The following BABAM2 variants were observed in gnomAD, a reference collection of about 807,000 sequenced individuals.
BABAM2 encodes the protein BRISC and BRCA1 A complex member 2, also known as BRISC and BRCA1-A complex member 2.
In BABAM2, 31 loss-of-function variants were observed where a neutral mutation model predicts 54.7. The observed-to-expected ratio is 0.57, with a 90% CI of 0.43 to 0.77. The LOEUF (loss-of-function observed/expected upper bound fraction) is 0.77, where lower values mean the gene tolerates loss of function less well. Among genes scored for constraint, BABAM2 ranks in the 30% least tolerant of loss-of-function variants. BABAM2 has a pLI of 0.00. For synonymous variants in BABAM2, 167 were observed against 162.9 expected (o/e 1.03, Z -0.19); for missense variants, 364 against 455.8 (o/e 0.80, Z 1.83).
At chr2:28,112,626 G>A (rs1205176629) in intron 6 of BABAM2, among the ~76,000 whole-genome samples, 2 of 152,044 alleles carry the variant, frequency 1.3e-5, no homozygotes, top group Non-Finnish European at 2.9e-5. Flanking sequence ...ATTTGGGTTG[G>A]CTCCAAGTCT....
At chr2:28,237,156 T>G in intron 7 of BABAM2, 46 bp from the exon 8 acceptor site, 2 of 1,534,470 alleles carry the variant, frequency 1.3e-6, no homozygotes, top group South Asian at 2.3e-5. Flanking sequence ...CTTCTTAAGT[T>G]GCTTGAGCCC....
chr2:28,080,618 G>C (rs1245011901), intron 6 of BABAM2, among the ~76,000 whole-genome samples: 1 of 152,166 alleles, frequency 6.6e-6, no homozygotes, highest in Non-Finnish European at 1.5e-5. Flanking sequence ...TGTTAGAAGA[G>C]ACCAATCTGT....
chr2:27,999,252 G>A (rs1299551315), intron 4 of BABAM2, among the ~76,000 whole-genome samples: 1 of 151,942 alleles, frequency 6.6e-6, no homozygotes, highest in Non-Finnish European at 1.5e-5. Flanking sequence ...TGATAAAGTA[G>A]AAAGTAGTGC....
intron 7 of BABAM2, among the ~76,000 whole-genome samples, chr2:28,146,028 G>T (rs527713602): frequency 2.0e-5 from 3 of 152,186 alleles, no homozygotes; most frequent in Non-Finnish European, 4.4e-5. Flanking sequence ...TGTGAATAAT[G>T]TTGCTGTGAA....
At chr2:27,954,490 C>A (rs184365235) in intron 3 of BABAM2, among the ~76,000 whole-genome samples, 78 of 152,246 alleles carry the variant, frequency 5.1e-4, no homozygotes, top group Non-Finnish European at 1.3e-4. Flanking sequence ...TAAAAGATTC[C>A]ATTTTGGCAT....
At chr2:28,230,340 C>T (rs1681260688) in intron 7 of BABAM2, among the ~76,000 whole-genome samples, 1 of 152,054 alleles carries the variant, frequency 6.6e-6, no homozygotes, top group Admixed American at 6.6e-5. Context: ...CTTGAGATGG[C>T]TCAAAGTTGA....
intron 6 of BABAM2, among the ~76,000 whole-genome samples, chr2:28,112,359 C>T (rs1235381466): frequency 6.6e-6 from 1 of 151,392 alleles, no homozygotes; most frequent in Non-Finnish European, 1.5e-5. Context: ...CCTCCCCTAG[C>T]CCCCTACCCC....
chr2:28,198,451 C>A (rs770883524), intron 7 of BABAM2, among the ~76,000 whole-genome samples: 2 of 152,042 alleles, frequency 1.3e-5, no homozygotes, highest in African/African-American at 4.8e-5. Context: ...CAGGCGTGAG[C>A]CACCGCGCCT....
intron 5 of BABAM2, among the ~76,000 whole-genome samples, chr2:28,033,306 T>C (rs1676430480): frequency 6.6e-6 from 1 of 152,154 alleles, no homozygotes; most frequent in Admixed American, 6.5e-5. Context: ...GAAGAACCAG[T>C]GTGTCTTAGT....
chr2:27,961,527 G>A lies in BABAM2; in HGVS notation c.206-26466G>A, dbSNP rs555365707. On this transcript the variant is annotated intron_variant, in intron 3 of 11. Coordinates refer to ENST00000379624, the MANE Select transcript of BABAM2 (RefSeq NM_199191.3). ...AGGCTAGGTTAAGCTATGATGTTCAGTAGGTTATTAAATGCATTTTTTACT... is the reference window on the plus strand; with the variant it reads ...AGGCTAGGTTAAGCTATGATGTTCAATAGGTTATTAAATGCATTTTTTACT... Among the ~76,000 whole-genome samples the A allele has an allele frequency of 1.1e-4, 17 of 152,230 alleles. No homozygotes were observed. The South Asian group carries it at 3.5e-3, about 32-fold the overall frequency.
chr2:28,080,281 G>A (rs1665048789), intron 6 of BABAM2, among the ~76,000 whole-genome samples: 2 of 152,076 alleles, frequency 1.3e-5, no homozygotes, highest in African/African-American at 4.8e-5. Flanking sequence ...TTAAAATTCT[G>A]TGATACTCAT....
chr2:28,025,274 G>A lies in BABAM2; in HGVS notation c.349G>A (p.Val117Met), dbSNP rs755156278. The change falls in exon 5 of 12, where the codon GTG becomes ATG. Residue 117 changes from valine (V) to methionine (M), a missense_variant. Physicochemically the swap from Val to Met is conservative, Grantham distance 21. Transcript: ENST00000379624. The stretch of plus-strand genomic sequence containing the variant: ...AAATCCTGAATGTCTCTTACTTGTG[G>A]TGAAGGAACTTGTGCAACAATATCA... ...PSNPECLLLV[V>M]KELVQQYHQF... 1.9e-6 allele frequency: 3 copies of A among 1,608,996 alleles called. No individual in the cohort carries two copies. The highest frequency in any genetic ancestry group is 2.5e-6 in the Non-Finnish European group (3 of 1,178,800).
At chr2:27,890,104 G>A, upstream of BABAM2, 2 of 622,120 alleles carry the variant, frequency 3.2e-6, no homozygotes, top group Non-Finnish European at 5.6e-6. This position sits in a 1 kb window ranked among gnomAD's most constrained non-coding sequence, Gnocchi z 4.8. Flanking sequence ...ATGCCAGGAA[G>A]GTAGGCTGAA....
At chr2:28,038,631 G>T (rs1267792492) in intron 5 of BABAM2, among the ~76,000 whole-genome samples, 1 of 152,100 alleles carries the variant, frequency 6.6e-6, no homozygotes, top group Non-Finnish European at 1.5e-5. Context: ...AGAACATGTG[G>T]TATATGGTTT....
At chr2:28,248,207 C>CTTTTTCTTTCTTTTTTTTT (rs1553349503) in intron 10 of BABAM2, among the ~76,000 whole-genome samples, 8 of 54,306 alleles carry the variant, frequency 1.5e-4, no homozygotes, top group African/African-American at 5.3e-4. Context: ...TTTTCTTTTT[C>CTTTTTCTTTCTTTTTTTTT]TTTTTTTTTT....
At chr2:28,165,591 G>A (rs774124996) in intron 7 of BABAM2, among the ~76,000 whole-genome samples, 49 of 131,540 alleles carry the variant, frequency 3.7e-4, no homozygotes, top group Non-Finnish European at 5.3e-4. Context: ...CTGGAGTGCA[G>A]TGGTATGATA....
chr2:28,194,635 A>T (rs1182246105), intron 7 of BABAM2, among the ~76,000 whole-genome samples: 1 of 123,484 alleles, frequency 8.1e-6, no homozygotes, highest in Admixed American at 1.1e-4. Flanking sequence ...AGGCTGGAGT[A>T]CGGTGGCACG....
chr2:28,281,412 A>G (rs1030397468), intron 10 of BABAM2, among the ~76,000 whole-genome samples: 1 of 152,228 alleles, frequency 6.6e-6, no homozygotes, highest in African/African-American at 2.4e-5. Context: ...TTTAAAAAAT[A>G]TACATTCCCA....
At chr2:28,010,203 T>C (rs1377334798) in intron 4 of BABAM2, among the ~76,000 whole-genome samples, 1 of 152,168 alleles carries the variant, frequency 6.6e-6, no homozygotes, top group African/African-American at 2.4e-5. Context: ...AAATACCTTA[T>C]TGGTGTTTGA....
Sources: allele counts gnomAD v4.1 joint callset (sites outside exome capture counted in the v4.1 genomes callset), GRCh38; gene constraint gnomAD v4.1.1; non-coding constraint Gnocchi (gnomAD v3.1); transcripts MANE v1.5; gene names NCBI Gene and HGNC (gene_info 2026-07-23, HGNC 2026-07-21).